Variants in PCYT1B observed in about 807,000 individuals in gnomAD.
PCYT1B encodes the protein choline-phosphate cytidylyltransferase B.
PCYT1B carries 10 observed loss-of-function variants against 26.4 expected under a neutral mutation model. The observed-to-expected ratio is 0.38, with a 90% CI of 0.23 to 0.64. The LOEUF (loss-of-function observed/expected upper bound fraction) is 0.64, where lower values mean the gene tolerates loss of function less well. Ranked by LOEUF, PCYT1B falls within the 30% of genes least tolerant of loss-of-function variation. The pLI is 0.56. For missense variants in PCYT1B, 161 were observed against 292.7 expected (o/e 0.55, Z 3.28); for synonymous variants, 131 against 108.4 (o/e 1.21, Z -1.29).
chrX:24,580,499 T>C (rs1166136898), intron 5 of PCYT1B, among the ~76,000 whole-genome samples: 1 of 112,229 alleles, frequency 8.9e-6, no homozygotes, highest in Non-Finnish European at 1.9e-5. Flanking sequence ...AACAGTCTAC[T>C]GTACATGGTA....
chrX:24,670,117 G>A (rs190157697), intron 1 of PCYT1B, among the ~76,000 whole-genome samples: 135 of 74,609 alleles, frequency 1.8e-3, no homozygotes, highest in African/African-American at 4.9e-3. Context: ...AGAAAGAAAG[G>A]AAGGAAGGAA....
chrX:24,639,727 C>A (rs1336967904), intron 1 of PCYT1B, among the ~76,000 whole-genome samples: 1 of 111,743 alleles, frequency 8.9e-6, no homozygotes, highest in African/African-American at 3.3e-5. Flanking sequence ...ACTTTCAGTA[C>A]CCTTCCTCTT....
upstream of PCYT1B, chrX:24,650,191 C>A (rs1926733874): frequency 9.0e-6 from 1 of 111,032 alleles, no homozygotes; most frequent in South Asian, 3.8e-4. Flanking sequence ...GCTATCAAGA[C>A]AATTAGCTAA....
rs972689603 is a variant in PCYT1B at position 24,562,616 on chromosome X, C to A, written c.898-111G>T. On this transcript the variant is annotated intron_variant, in intron 7 of 7. Coordinates refer to ENST00000379144, the MANE Select transcript of PCYT1B (RefSeq NM_004845.5). ...CACTACCCCAAAACTCCTGAGCCCA[C>A]AAACCTACACTCATACCACATCCCG... is the stretch of plus-strand genomic sequence containing the variant. 48 of 593,931 alleles carry A rather than the reference C, an allele frequency of 8.1e-5. No individual in the cohort carries two copies. The Middle Eastern group carries it at 1.3e-3, about 16-fold the overall frequency. The allele number at this position is 593,931 out of a possible 1,213,427, so 48.9% of individuals were successfully genotyped here.
At chrX:24,613,701 C>T (rs1342928486) in intron 2 of PCYT1B, among the ~76,000 whole-genome samples, 4 of 110,086 alleles carry the variant, frequency 3.6e-5, no homozygotes. Context: ...GCCTGTAATC[C>T]CAGCACTTTG....
intron 3 of PCYT1B, among the ~76,000 whole-genome samples, chrX:24,606,637 G>T (rs1276171795): frequency 8.9e-6 from 1 of 112,257 alleles, no homozygotes; most frequent in Non-Finnish European, 1.9e-5. Context: ...GCTGAGGTGG[G>T]TGGATCACCT....
chrX:24,611,589 G>A (rs1394441452), intron 2 of PCYT1B, among the ~76,000 whole-genome samples: 4 of 111,730 alleles, frequency 3.6e-5, no homozygotes, highest in Non-Finnish European at 7.5e-5. Flanking sequence ...CCCACCCCTT[G>A]AAGTGCGTGT....
intron 4 of PCYT1B, among the ~76,000 whole-genome samples, chrX:24,589,591 ATGG>A (rs1474038493): frequency 8.9e-6 from 1 of 111,988 alleles, no homozygotes; most frequent in Non-Finnish European, 1.9e-5. Flanking sequence ...GACGGTGGTG[ATGG>A]TGGTGACAAT....
intron 1 of PCYT1B, among the ~76,000 whole-genome samples, chrX:24,622,417 C>A (rs916473127): frequency 2.7e-5 from 3 of 112,200 alleles, no homozygotes; most frequent in African/African-American, 6.5e-5. Context: ...TAGGTTCTGT[C>A]TCTTCCATAT....
chrX:24,658,871 A>G (rs1926979209), intron 1 of PCYT1B, among the ~76,000 whole-genome samples: 1 of 112,183 alleles, frequency 8.9e-6, no homozygotes. Flanking sequence ...TGGGCCTGGT[A>G]TCTCATCTCC....
At chrX:24,628,914 A>G (rs1056892392) in intron 1 of PCYT1B, among the ~76,000 whole-genome samples, 1 of 112,123 alleles carries the variant, frequency 8.9e-6, no homozygotes, top group Non-Finnish European at 1.9e-5. Context: ...AACATTTTAA[A>G]GATAAATATT....
rs1191610035 is a variant in PCYT1B, at chrX:24,559,127, G to T, written c.*3166C>A. 9.0e-6 allele frequency: 1 copy of T among 110,707 alleles called. No individual in the cohort carries two copies. The highest frequency in any genetic ancestry group is 1.9e-5 in the Non-Finnish European group (1 of 52,888). 9.1% of individuals were successfully genotyped at this position (110,707 alleles called of 1,213,427 possible). On this transcript the variant is annotated 3_prime_UTR_variant, in exon 8 of 8. Coordinates refer to ENST00000379144, the MANE Select transcript of PCYT1B (RefSeq NM_004845.5). ...AGGTCAGGAATTTGAGACCAGCCTG[G>T]CCAACATGGTGAAACCCCGTCTCTA...
intron 3 of PCYT1B, among the ~76,000 whole-genome samples, chrX:24,592,915 T>C (rs1924616690): frequency 8.9e-6 from 1 of 111,988 alleles, no homozygotes; most frequent in African/African-American, 3.2e-5. Context: ...CCTCTTCTTT[T>C]TTTGTTTGTG....
At chrX:24,651,939 A>G (rs915185655), upstream of PCYT1B, among the ~76,000 whole-genome samples, 1 of 111,560 alleles carries the variant, frequency 9.0e-6, no homozygotes, top group African/African-American at 3.3e-5. Flanking sequence ...AGAAAGATGC[A>G]CAGACCTCAG....
chrX:24,637,733 T>C (rs1445939930), intron 1 of PCYT1B, among the ~76,000 whole-genome samples: 6 of 107,044 alleles, frequency 5.6e-5, no homozygotes, highest in Non-Finnish European at 1.9e-5. Context: ...ACTTATAACA[T>C]GAGGAATAGT....
intron 1 of PCYT1B, among the ~76,000 whole-genome samples, chrX:24,623,841 C>G (rs1165224825): frequency 9.0e-6 from 1 of 111,384 alleles, no homozygotes; most frequent in African/African-American, 3.3e-5. Flanking sequence ...TGCACTTATG[C>G]AATGTACATC....
rs745550499 is a variant in PCYT1B at position 24,665,480 on chromosome X, A to C, written c.63+7090T>G. Among the ~76,000 whole-genome samples, 17 of 110,365 alleles carry C rather than the reference A, an allele frequency of 1.5e-4. No homozygotes were observed. The East Asian group carries it at 4.6e-3, about 30-fold the overall frequency. On this transcript the variant is annotated intron_variant, in intron 1 of 7. Coordinates refer to the PCYT1B transcript ENST00000379145. ...TAATTTTTGTATTTTTAGTAGAGAC[A>C]GGGTTTCGCCATGTTGACCAGGCTG...
chrX:24,583,659 A>T, intron 5 of PCYT1B, among the ~76,000 whole-genome samples: 1 of 112,271 alleles, frequency 8.9e-6, no homozygotes, highest in East Asian at 2.8e-4. Flanking sequence ...TAGCTCACTG[A>T]CAGCCACTCA....
intron 5 of PCYT1B, among the ~76,000 whole-genome samples, chrX:24,580,677 G>A (rs1305704938): frequency 8.9e-6 from 1 of 111,975 alleles, no homozygotes; most frequent in African/African-American, 3.2e-5. Flanking sequence ...ATTAACAAAG[G>A]CAAGAATCAG....
Sources: allele counts gnomAD v4.1 joint callset (sites outside exome capture counted in the v4.1 genomes callset), GRCh38; gene constraint gnomAD v4.1.1; transcripts MANE v1.5; gene names NCBI Gene and HGNC (gene_info 2026-07-23, HGNC 2026-07-21).